The following DENND1A variants were observed in gnomAD, a reference collection of about 807,000 sequenced individuals.
DENND1A encodes DENN domain containing 1A, also known as DENN domain-containing protein 1A.
Under a neutral mutation model 113.7 loss-of-function variants are expected in DENND1A, and 51 were observed. The ratio of observed to expected loss-of-function variants is 0.45; its 90% CI spans 0.36 to 0.57. The LOEUF (loss-of-function observed/expected upper bound fraction) is 0.57, where lower values mean the gene tolerates loss of function less well. DENND1A is among the 20% of genes least tolerant of loss of function. DENND1A has a pLI of 0.00. For synonymous variants in DENND1A, 565 were observed against 570.8 expected (o/e 0.99, Z 0.14); for missense variants, 1,258 against 1,395.9 (o/e 0.90, Z 1.57).
rs114679388 is a variant in DENND1A, at chr9:123,531,701, A to G, written c.993+25869T>C. ...TCCTTTTACCCTCAAATACTTAAGC[A>G]TTCCTAAAAATCATCACATTTTCAC... is the stretch of plus-strand genomic sequence containing the variant. On this transcript the variant is annotated intron_variant, in intron 13 of 23. Coordinates refer to ENST00000394215, the MANE Select transcript of DENND1A (RefSeq NM_001352964.2). 5.3e-3 allele frequency among the ~76,000 whole-genome samples: 810 copies of G among 152,228 alleles called. 9 individuals are homozygous for G. The highest frequency in any genetic ancestry group is 0.019 in the African/African-American group (770 of 41,532).
chr9:123,415,236 G>A (rs960835350), intron 19 of DENND1A, among the ~76,000 whole-genome samples: 9 of 152,158 alleles, frequency 5.9e-5, no homozygotes, highest in Non-Finnish European at 1.3e-4. Context: ...TCTGACACTC[G>A]GGGAGTTTTC....
At chr9:123,425,332 G>A (rs1488261795) in intron 19 of DENND1A, among the ~76,000 whole-genome samples, 3 of 152,358 alleles carry the variant, frequency 2.0e-5, no homozygotes, top group Non-Finnish European at 2.9e-5. Context: ...AAGAAATGCC[G>A]TTTGTAGGCT....
At chr9:123,545,886 T>C (rs1407491525) in intron 13 of DENND1A, among the ~76,000 whole-genome samples, 2 of 152,182 alleles carry the variant, frequency 1.3e-5, no homozygotes, top group Non-Finnish European at 2.9e-5. Context: ...CAGAAAGATT[T>C]CCTTTTCAGA....
At chr9:123,677,529 G>A (rs1424420277) in intron 5 of DENND1A, among the ~76,000 whole-genome samples, 2 of 152,154 alleles carry the variant, frequency 1.3e-5, no homozygotes, top group Non-Finnish European at 2.9e-5. Flanking sequence ...TGCCTCCCTG[G>A]TTCAAGTGAT....
At chr9:123,524,046 A>G (rs1207818023) in intron 13 of DENND1A, among the ~76,000 whole-genome samples, 1 of 152,242 alleles carries the variant, frequency 6.6e-6, no homozygotes, top group Non-Finnish European at 1.5e-5. Context: ...AAAAGAGTGA[A>G]GAATCTGCTG....
intron 4 of DENND1A, among the ~76,000 whole-genome samples, chr9:123,763,100 G>A (rs373083534): frequency 6.6e-6 from 1 of 150,888 alleles, no homozygotes; most frequent in Non-Finnish European, 1.5e-5. Flanking sequence ...TTTTGGCGGT[G>A]GGGGGAGGCA....
At chr9:123,925,959 G>A (rs1857016067) in intron 1 of DENND1A, among the ~76,000 whole-genome samples, 1 of 152,162 alleles carries the variant, frequency 6.6e-6, no homozygotes, top group African/African-American at 2.4e-5. Flanking sequence ...CTTGGTGCCT[G>A]GAAGCAATTT....
At chr9:123,462,159 G>C (rs751759491) in intron 13 of DENND1A, 2 of 152,308 alleles carry the variant, frequency 1.3e-5, no homozygotes, top group African/African-American at 4.8e-5. Context: ...ACCAGGCACA[G>C]AGGGCTCTTT....
chr9:123,899,226 C>T (rs1395907737), intron 1 of DENND1A, among the ~76,000 whole-genome samples: 1 of 152,172 alleles, frequency 6.6e-6, no homozygotes, highest in Non-Finnish European at 1.5e-5. Context: ...CATCTCTCTC[C>T]TCAGCCTATC....
intron 2 of DENND1A, among the ~76,000 whole-genome samples, chr9:123,860,012 T>A (rs944690226): frequency 6.6e-6 from 1 of 152,098 alleles, no homozygotes; most frequent in African/African-American, 2.4e-5. Flanking sequence ...ATTGCTGAGA[T>A]GACAGCATTA....
intron 2 of DENND1A, among the ~76,000 whole-genome samples, chr9:123,874,157 G>A (rs1847079873): frequency 6.7e-6 from 1 of 149,764 alleles, no homozygotes; most frequent in Admixed American, 6.7e-5. Context: ...ATATCAGCCT[G>A]GGCAACAAAG....
At chr9:123,779,392 A>G (rs1830910961) in intron 3 of DENND1A, among the ~76,000 whole-genome samples, 1 of 152,098 alleles carries the variant, frequency 6.6e-6, no homozygotes. Context: ...TTAGCAGTTT[A>G]CCTATACCTT....
chr9:123,533,017 T>A (rs559414848), intron 13 of DENND1A, among the ~76,000 whole-genome samples: 1 of 152,346 alleles, frequency 6.6e-6, no homozygotes, highest in African/African-American at 2.4e-5. Context: ...CAAGTACACA[T>A]AGGACATTTT....
intron 21 of DENND1A, among the ~76,000 whole-genome samples, chr9:123,389,583 C>G (rs543053673): frequency 6.6e-6 from 1 of 152,352 alleles, no homozygotes; most frequent in East Asian, 1.9e-4. Flanking sequence ...ATACAGCCAC[C>G]AGAGTCTCTT....
At chr9:123,498,259 C>T (rs2052127576) in intron 13 of DENND1A, among the ~76,000 whole-genome samples, 1 of 152,238 alleles carries the variant, frequency 6.6e-6, no homozygotes, top group African/African-American at 2.4e-5. Flanking sequence ...TACACATTCT[C>T]TCATTTAGTC....
At chr9:123,455,437 G>C (rs1588619213) in intron 15 of DENND1A, among the ~76,000 whole-genome samples, 1 of 152,232 alleles carries the variant, frequency 6.6e-6, no homozygotes, top group Non-Finnish European at 1.5e-5. Context: ...CAGCATCCTC[G>C]CAGGCCTGCA....
At chr9:123,530,712 A>AT (rs1457845013) in intron 13 of DENND1A, among the ~76,000 whole-genome samples, 2 of 152,190 alleles carry the variant, frequency 1.3e-5, no homozygotes, top group Admixed American at 1.3e-4. Flanking sequence ...CTTTATCTGC[A>AT]GGGGATGTGT....
chr9:123,905,227 C>G (rs1588173421), intron 1 of DENND1A, among the ~76,000 whole-genome samples: 1 of 152,068 alleles, frequency 6.6e-6, no homozygotes, highest in Non-Finnish European at 1.5e-5. Flanking sequence ...TGGAAAGGAA[C>G]AATGGTACCA....
chr9:123,783,449 G>C (rs1280405285), intron 3 of DENND1A, among the ~76,000 whole-genome samples: 1 of 152,110 alleles, frequency 6.6e-6, no homozygotes, highest in Non-Finnish European at 1.5e-5. Flanking sequence ...CCAAAACCAG[G>C]TTACTTTGCT....
Sources: gnomAD v4.1 joint callset for allele counts (sites outside exome capture counted in the v4.1 genomes callset) on GRCh38, gnomAD v4.1.1 for gene constraint, MANE v1.5 for transcripts, NCBI Gene and HGNC (gene_info 2026-07-23, HGNC 2026-07-21) for gene names.